The following MLANA variants were observed in gnomAD, a reference collection of about 807,000 sequenced individuals.
MLANA encodes the protein melan-A.
MLANA carries 21 observed loss-of-function variants against 15.7 expected under a neutral mutation model. That is an observed-to-expected ratio of 1.33 (90% CI 0.95 to 1.92). The LOEUF (loss-of-function observed/expected upper bound fraction) is 1.92. Ranked by LOEUF, MLANA falls within the 40% of genes most tolerant of loss-of-function variation. The pLI is 0.00. For synonymous variants in MLANA, 56 were observed against 51.5 expected (o/e 1.09, Z -0.37); for missense variants, 164 against 143.8 (o/e 1.14, Z -0.72).
At chr9:5,893,557 C>T (rs1284441193) in intron 2 of MLANA, among the ~76,000 whole-genome samples, 4 of 152,106 alleles carry the variant, frequency 2.6e-5, no homozygotes, top group South Asian at 2.1e-4. Flanking sequence ...GAGATGAGGG[C>T]GGCGGTATCT....
rs201452137 is a variant in MLANA at position 5,905,499 on chromosome 9, TA to T, written c.175-1379del. Among the ~76,000 whole-genome samples the T allele has an allele frequency of 3.7e-3, 571 of 152,280 alleles. 3 individuals are homozygous for T. Among genetic ancestry groups the T allele is most frequent in the African/African-American group, 0.013 (537 of 41,548 alleles). On this transcript the variant is annotated intron_variant, in intron 3 of 4. Transcript: ENST00000381477. ...GGGTTAAATCATGCCCTTCAAACCA[TA>T]AAAAAATTTTTTTTTAATTAACCCC...
At chr9:5,907,231 C>T (rs181295197) in intron 4 of MLANA, 387 of 287,626 alleles carry the variant, frequency 1.3e-3, no homozygotes, top group South Asian at 2.7e-3. Context: ...TGTGTTGTCA[C>T]ATACCCAGTG....
intron 3 of MLANA, among the ~76,000 whole-genome samples, chr9:5,900,322 T>C (rs893997433): frequency 6.6e-6 from 1 of 152,160 alleles, no homozygotes; most frequent in African/African-American, 2.4e-5. Flanking sequence ...GACTTTTTAT[T>C]GAGAGGGAAT....
chr9:5,891,760 G>A (rs1244334516), intron 1 of MLANA, among the ~76,000 whole-genome samples: 1 of 152,186 alleles, frequency 6.6e-6, no homozygotes, highest in Admixed American at 6.5e-5. Flanking sequence ...GAGAGAAGCA[G>A]AAATTGACTT....
At chr9:5,892,151 A>G (rs1283910747) in intron 1 of MLANA, among the ~76,000 whole-genome samples, 4 of 152,262 alleles carry the variant, frequency 2.6e-5, no homozygotes, top group African/African-American at 9.6e-5. Flanking sequence ...AATTGAAGGC[A>G]AATGAGGAAT....
intron 3 of MLANA, among the ~76,000 whole-genome samples, chr9:5,899,474 A>C (rs1287854710): frequency 6.6e-6 from 1 of 152,182 alleles, no homozygotes; most frequent in Non-Finnish European, 1.5e-5. Flanking sequence ...ACACCCACCG[A>C]GCATAGCCCT....
intron 3 of MLANA, among the ~76,000 whole-genome samples, chr9:5,905,305 G>A (rs984447803): frequency 6.6e-6 from 1 of 152,168 alleles, no homozygotes; most frequent in African/African-American, 2.4e-5. Context: ...CTGAAAAACT[G>A]AGTGTTGGCC....
Position 5,892,552 on chromosome 9 carries a change from G to A in MLANA, c.77+1G>A, listed in dbSNP as rs148372841. On this transcript the variant is annotated splice_donor_variant, in intron 2 of 4. Coordinates refer to ENST00000381477, the MANE Select transcript of MLANA (RefSeq NM_005511.2). LOFTEE classifies it high-confidence loss of function. ...GCCACTCTTACACCACGGCTGAAGA[G>A]TAAGTTCAAAACCAGACCCAGCAGG... 3 of 1,612,174 alleles carry A rather than the reference G, an allele frequency of 1.9e-6. No individual in the cohort carries two copies. Among genetic ancestry groups the A allele is most frequent in the Admixed American group, 1.7e-5 (1 of 59,704 alleles).
At chr9:5,897,843 CA>C in intron 3 of MLANA, among the ~76,000 whole-genome samples, 190 bp downstream of exon 3, 1 of 152,232 alleles carries the variant, frequency 6.6e-6, no homozygotes. Context: ...GCATGAACCT[CA>C]ACCAGGAACT....
At chr9:5,895,841 T>C (rs910380652) in intron 2 of MLANA, among the ~76,000 whole-genome samples, 25 of 152,216 alleles carry the variant, frequency 1.6e-4, no homozygotes, top group African/African-American at 5.1e-4. Context: ...CCCTGGTGCT[T>C]TTCGCTCTCA....
intron 3 of MLANA, among the ~76,000 whole-genome samples, chr9:5,899,729 G>A (rs1238508302): frequency 1.3e-5 from 2 of 152,040 alleles, no homozygotes; most frequent in Admixed American, 6.6e-5. Context: ...TTGCCTCTTC[G>A]ACCCCTCCGC....
rs769587771 is a variant in MLANA, at chr9:5,894,337, C to A, written c.77+1786C>A. On this transcript the variant is annotated intron_variant, in intron 2 of 4. Transcript: ENST00000381477. The surrounding 1 kb of genome is among the most constrained non-coding windows in gnomAD (Gnocchi z 4.0). ...AACATAGAGACTTTAATATAAGAAG[C>A]TGGTTAAACAGGCATGGGACTGAGA... Among the ~76,000 whole-genome samples, 1 of 152,048 alleles carries A rather than the reference C, an allele frequency of 6.6e-6. No individual in the cohort carries two copies. The highest frequency in any genetic ancestry group is 2.4e-5 in the African/African-American group (1 of 41,392).
intron 1 of MLANA, 145 bp from the exon 2 acceptor site, chr9:5,892,305 G>C: frequency 2.2e-6 from 1 of 456,198 alleles, no homozygotes; most frequent in Non-Finnish European, 3.8e-6. Context: ...AAAGAAGCAG[G>C]TGCAAATCCC....
At chr9:5,892,040 A>G (rs1831688726) in intron 1 of MLANA, among the ~76,000 whole-genome samples, 1 of 152,162 alleles carries the variant, frequency 6.6e-6, no homozygotes, top group Admixed American at 6.5e-5. Context: ...GAGAAAAATA[A>G]CTCCTCTAAT....
intron 2 of MLANA, among the ~76,000 whole-genome samples, chr9:5,895,972 G>A (rs1831988019): frequency 6.6e-6 from 1 of 152,222 alleles, no homozygotes; most frequent in African/African-American, 2.4e-5. Context: ...GGCATGTTGG[G>A]AGTTGAATCA....
Position 5,892,529 on chromosome 9 carries a change from C to G in MLANA, c.55C>G (p.His19Asp), listed in dbSNP as rs1399722325. ...TGGTTACCCCAAGAAGGGGCACGGC[C>G]ACTCTTACACCACGGCTGAAGAGTA... ...IYGYPKKGHG[H>D]SYTTAEEAAG... is the part of the protein sequence containing the mutation. The change falls in exon 2 of 5, where the codon CAC becomes GAC. Residue 19 changes from histidine (H) to aspartate (D), a missense_variant. Coordinates refer to ENST00000381477, the MANE Select transcript of MLANA (RefSeq NM_005511.2). 6.2e-7 allele frequency: 1 copy of G among 1,613,598 alleles called. No homozygotes were observed. Among genetic ancestry groups the G allele is most frequent in the East Asian group, 2.2e-5 (1 of 44,864 alleles).
At chr9:5,905,273 A>T (rs1288658308) in intron 3 of MLANA, among the ~76,000 whole-genome samples, 2 of 152,138 alleles carry the variant, frequency 1.3e-5, no homozygotes, top group Admixed American at 1.3e-4. Flanking sequence ...CCCCCTCTTC[A>T]CCAAGGGGAC....
intron 2 of MLANA, among the ~76,000 whole-genome samples, chr9:5,892,880 G>T (rs950216901): frequency 6.6e-6 from 1 of 152,130 alleles, no homozygotes; most frequent in Non-Finnish European, 1.5e-5. Context: ...CTCAATCCTT[G>T]TTCTGTCTCC....
intron 3 of MLANA, among the ~76,000 whole-genome samples, chr9:5,900,055 G>C (rs1049260546): frequency 1.3e-5 from 2 of 152,070 alleles, no homozygotes; most frequent in African/African-American, 2.4e-5. Context: ...AGTCTTTCAA[G>C]AAGTAAAGCT....
Sources: allele counts gnomAD v4.1 joint callset (sites outside exome capture counted in the v4.1 genomes callset), GRCh38; gene constraint gnomAD v4.1.1; non-coding constraint Gnocchi (gnomAD v3.1); transcripts MANE v1.5; gene names NCBI Gene and HGNC (gene_info 2026-07-23, HGNC 2026-07-21).